The following HEMK2 variants were observed in gnomAD, a reference collection of about 807,000 sequenced individuals.
HEMK2 encodes methyltransferase HEMK2.
the HEMK2 span, among the ~76,000 whole-genome samples, chr21:28,599,502 G>T: frequency 1.3e-5 from 2 of 152,122 alleles, no homozygotes; most frequent in Non-Finnish European, 2.9e-5. Context: ...TCTCCCACCA[G>T]GTCCCTCCCA....
the HEMK2 span, among the ~76,000 whole-genome samples, chr21:28,771,726 G>A: frequency 3.3e-5 from 5 of 152,044 alleles, no homozygotes; most frequent in African/African-American, 1.2e-4. Context: ...GGAAGCAAGG[G>A]GAGTGTGACT....
the HEMK2 span, among the ~76,000 whole-genome samples, chr21:28,703,458 C>T: frequency 6.6e-6 from 1 of 152,104 alleles, no homozygotes; most frequent in African/African-American, 2.4e-5. Flanking sequence ...TCATTAAGCA[C>T]CAGATGTCAG....
the HEMK2 span, among the ~76,000 whole-genome samples, chr21:28,811,341 G>C: frequency 6.9e-6 from 1 of 145,960 alleles, no homozygotes; most frequent in African/African-American, 2.5e-5. Flanking sequence ...GAAGGAGAAA[G>C]AAAGGAAGGA....
chr21:28,854,627 G>C, the HEMK2 span, among the ~76,000 whole-genome samples: 1 of 152,204 alleles, frequency 6.6e-6, no homozygotes, highest in Non-Finnish European at 1.5e-5. Flanking sequence ...GCCAGTCCGA[G>C]TTCCAAAACT....
the HEMK2 span, chr21:28,882,875 T>C: frequency 1.6e-6 from 1 of 642,186 alleles, no homozygotes; most frequent in Non-Finnish European, 2.4e-6. Flanking sequence ...TCTGAGTTTT[T>C]GCTATGCTTA....
the HEMK2 span, among the ~76,000 whole-genome samples, chr21:28,774,804 T>C: frequency 3.3e-5 from 5 of 152,210 alleles, no homozygotes; most frequent in African/African-American, 4.8e-5. Flanking sequence ...ATCTACATTA[T>C]GTATTCCTGA....
chr21:28,578,738 C>T, the HEMK2 span, among the ~76,000 whole-genome samples: 1 of 152,114 alleles, frequency 6.6e-6, no homozygotes, highest in African/African-American at 2.4e-5. Flanking sequence ...GGGACCTTAT[C>T]CATGGGAGGA....
At chr21:28,630,096 C>T in the HEMK2 span, among the ~76,000 whole-genome samples, 1 of 152,280 alleles carries the variant, frequency 6.6e-6, no homozygotes, top group South Asian at 2.1e-4. Context: ...CTTAATGCCA[C>T]AATGTTAATA....
At chr21:28,590,397 G>A in the HEMK2 span, among the ~76,000 whole-genome samples, 70 of 151,850 alleles carry the variant, frequency 4.6e-4, no homozygotes, top group African/African-American at 1.6e-3. Context: ...TGATAGTAAT[G>A]AACACAAATT....
the HEMK2 span, among the ~76,000 whole-genome samples, chr21:28,793,381 GC>G: frequency 3.3e-5 from 5 of 152,286 alleles, no homozygotes; most frequent in Middle Eastern, 6.8e-3. Flanking sequence ...AAAGACCTTT[GC>G]CACTTCCAAT....
At chr21:28,744,337 A>G in the HEMK2 span, among the ~76,000 whole-genome samples, 1 of 152,232 alleles carries the variant, frequency 6.6e-6, no homozygotes, top group Admixed American at 6.5e-5. Context: ...TGTCCCCAGA[A>G]GTGTTCTTTT....
At chr21:28,750,510 C>T in the HEMK2 span, among the ~76,000 whole-genome samples, 1 of 151,840 alleles carries the variant, frequency 6.6e-6, no homozygotes, top group Non-Finnish European at 1.5e-5. Flanking sequence ...AACAGCCTGG[C>T]CAACATGGTG....
the HEMK2 span, among the ~76,000 whole-genome samples, chr21:28,603,453 A>T: frequency 2.0e-5 from 3 of 151,742 alleles, no homozygotes; most frequent in Admixed American, 2.0e-4. Context: ...CTCTTCCACA[A>T]TATTATTTTA....
chr21:28,656,720 AGAGTCC>A, the HEMK2 span, among the ~76,000 whole-genome samples: 1 of 152,112 alleles, frequency 6.6e-6, no homozygotes, highest in African/African-American at 2.4e-5. Context: ...AAGGAGGCAA[AGAGTCC>A]ACATGCCACT....
At chr21:28,732,376 T>C in the HEMK2 span, among the ~76,000 whole-genome samples, 2 of 152,214 alleles carry the variant, frequency 1.3e-5, no homozygotes, top group East Asian at 1.9e-4. Context: ...AACTGATGAA[T>C]AAAGCAGAAG....
the HEMK2 span, among the ~76,000 whole-genome samples, chr21:28,817,731 T>C: frequency 1.3e-5 from 2 of 152,220 alleles, no homozygotes; most frequent in Non-Finnish European, 2.9e-5. Context: ...CAGGGAACAC[T>C]GACCCTTCTC....
chr21:28,873,859 C>G, the HEMK2 span: 1 of 151,962 alleles, frequency 6.6e-6, no homozygotes, highest in Non-Finnish European at 1.5e-5. Flanking sequence ...CTATGTAAGA[C>G]CTCTAGGCCA....
At chr21:28,701,559 TAC>T in the HEMK2 span, among the ~76,000 whole-genome samples, 2,506 of 45,404 alleles carry the variant, frequency 0.055, 28 homozygotes, top group South Asian at 0.077. Context: ...CACACACACA[TAC>T]ACACACACAC....
At chr21:28,790,106 T>C in the HEMK2 span, among the ~76,000 whole-genome samples, 2 of 152,204 alleles carry the variant, frequency 1.3e-5, no homozygotes, top group African/African-American at 2.4e-5. Flanking sequence ...AATCATTTTA[T>C]AATATAGTTT....
Sources: allele counts gnomAD v4.1 joint callset (sites outside exome capture counted in the v4.1 genomes callset), GRCh38; gene constraint gnomAD v4.1.1; transcripts MANE v1.5; gene names NCBI Gene and HGNC (gene_info 2026-07-23, HGNC 2026-07-21).